Variants in RAB40B observed in about 807,000 individuals in gnomAD.
RAB40B encodes ras-related protein Rab-40B.
In RAB40B, 21 loss-of-function variants were observed where a neutral mutation model predicts 24.0. That is an observed-to-expected ratio of 0.88 (90% CI 0.62 to 1.26). The LOEUF (loss-of-function observed/expected upper bound fraction) is 1.26. RAB40B is among the 50% of genes most tolerant of loss of function. The pLI is 0.00. For synonymous variants in RAB40B, 167 were observed against 169.8 expected, an observed-to-expected ratio of 0.98 and a Z score of 0.13; for missense variants, 348 against 390.5, an observed-to-expected ratio of 0.89 and a Z score of 0.92.
chr17:82,675,661 T>C lies in RAB40B; in HGVS notation c.143-11105A>G, dbSNP rs1227772444. Among the ~76,000 whole-genome samples the C allele has an allele frequency of 6.6e-6, 1 of 152,148 alleles. No homozygotes were observed. The highest frequency in any genetic ancestry group is 1.5e-5 in the Non-Finnish European group (1 of 68,018). Reference sequence around the variant, plus strand: ...CTGACGAGGGCTGCATCCTGGTTCATGGAGGTGTCTTCTCCCCATGTCCTC... The same window carrying C: ...CTGACGAGGGCTGCATCCTGGTTCACGGAGGTGTCTTCTCCCCATGTCCTC... On this transcript the variant is annotated intron_variant, in intron 1 of 5. Coordinates refer to ENST00000571995, the MANE Select transcript of RAB40B (RefSeq NM_006822.3). The surrounding 1 kb of genome is among the most constrained non-coding windows in gnomAD (Gnocchi z 4.5).
At chr17:82,674,428 G>A (rs1187837006) in intron 1 of RAB40B, among the ~76,000 whole-genome samples, 7 of 148,390 alleles carry the variant, frequency 4.7e-5, no homozygotes, top group Non-Finnish European at 8.9e-5. Flanking sequence ...TCAGGAGTTC[G>A]AGACCATCCT....
intron 1 of RAB40B, among the ~76,000 whole-genome samples, chr17:82,678,879 GTTTTTTTTT>G (rs35848277): frequency 1.0e-5 from 1 of 99,164 alleles, no homozygotes; most frequent in Admixed American, 1.3e-4. Flanking sequence ...CCCTTTCTGC[GTTTTTTTTT>G]TTTTTTTTTT....
intron 1 of RAB40B, among the ~76,000 whole-genome samples, chr17:82,680,193 C>A (rs1179104819): frequency 6.6e-6 from 1 of 152,222 alleles, no homozygotes; most frequent in Non-Finnish European, 1.5e-5. Context: ...TGACCTCTGT[C>A]ACGGAGGTCT....
intron 1 of RAB40B, among the ~76,000 whole-genome samples, chr17:82,684,208 G>A (rs1221445508): frequency 8.4e-6 from 1 of 118,406 alleles, no homozygotes; most frequent in Non-Finnish European, 1.8e-5. Flanking sequence ...GTGAGAGAGT[G>A]AGACTCTGTC....
Position 82,657,629 on chromosome 17 carries a change from G to A in RAB40B, c.*234C>T. 1.5e-6 allele frequency: 1 copy of A among 668,130 alleles called. No homozygotes were observed. Among genetic ancestry groups the A allele is most frequent in the Non-Finnish European group, 2.8e-6 (1 of 362,330 alleles). The allele number at this position is 668,130 out of a possible 1,614,324, so 41.4% of individuals were successfully genotyped here. ...ATTTCATGTTACCAAGAGTCGAGCA[G>A]AGTACTAATTTTCCCTTTACAAACA... On this transcript the variant is annotated 3_prime_UTR_variant, in exon 6 of 6. Transcript: ENST00000571995.
intron 1 of RAB40B, among the ~76,000 whole-genome samples, chr17:82,678,879 G>GTTTTTTTTTTTTTTTT (rs35848277): frequency 4.0e-5 from 4 of 99,164 alleles, no homozygotes; most frequent in African/African-American, 1.6e-4. Flanking sequence ...CCCTTTCTGC[G>GTTTTTTTTTTTTTTTT]TTTTTTTTTT....
At chr17:82,690,413 G>A (rs2046544859) in intron 1 of RAB40B, among the ~76,000 whole-genome samples, 1 of 135,746 alleles carries the variant, frequency 7.4e-6, no homozygotes, top group Admixed American at 7.0e-5. Flanking sequence ...TGTGTTCTCA[G>A]GGAGCAGAGA....
intron 1 of RAB40B, among the ~76,000 whole-genome samples, chr17:82,683,300 GA>G (rs1568042238): frequency 6.6e-6 from 1 of 152,018 alleles, no homozygotes. Flanking sequence ...GTCTATAAAA[GA>G]AAAAAACTGA....
chr17:82,661,434 C>T (rs968891919), intron 2 of RAB40B, among the ~76,000 whole-genome samples: 31 of 152,198 alleles, frequency 2.0e-4, no homozygotes, highest in African/African-American at 6.3e-4. Context: ...TCCAGTTCAA[C>T]TGTAAGAGCT....
At chr17:82,681,507 A>G (rs1172705334) in intron 1 of RAB40B, among the ~76,000 whole-genome samples, 1 of 152,104 alleles carries the variant, frequency 6.6e-6, no homozygotes, top group African/African-American at 2.4e-5. Flanking sequence ...GAAACAAGCA[A>G]CCCTGCAGCA....
chr17:82,696,074 T>C (rs1240845283), intron 1 of RAB40B, among the ~76,000 whole-genome samples: 1 of 152,156 alleles, frequency 6.6e-6, no homozygotes, highest in Non-Finnish European at 1.5e-5. Flanking sequence ...TTCTCCATGT[T>C]GATCAGGCTG....
chr17:82,666,397 G>A (rs1452882948), intron 1 of RAB40B, among the ~76,000 whole-genome samples: 3 of 151,880 alleles, frequency 2.0e-5, no homozygotes, highest in African/African-American at 4.8e-5. Flanking sequence ...GGCATACACC[G>A]CCACGTCCAG....
chr17:82,667,119 G>C lies in RAB40B; in HGVS notation c.143-2563C>G, dbSNP rs962444452. Among the ~76,000 whole-genome samples the C allele has an allele frequency of 1.3e-5, 2 of 152,200 alleles. No homozygotes were observed. Among genetic ancestry groups the C allele is most frequent in the African/African-American group, 2.4e-5 (1 of 41,444 alleles). On this transcript the variant is annotated intron_variant, in intron 1 of 5. Transcript: ENST00000571995. This position sits in a 1 kb window ranked among gnomAD's most constrained non-coding sequence, Gnocchi z 4.3. The stretch of plus-strand genomic sequence containing the variant: ...GTAGCCAGTGAGTGCCCAGAAACAG[G>C]CTCCTCTAAAAATGCGAGGCTGCGG...
intron 1 of RAB40B, among the ~76,000 whole-genome samples, chr17:82,691,785 G>A (rs926306189): frequency 3.2e-4 from 49 of 152,216 alleles, no homozygotes; most frequent in African/African-American, 1.1e-3. Flanking sequence ...GGAAAGGCAG[G>A]GCCCTGCTGT....
intron 5 of RAB40B, 95 bp downstream of exon 5, chr17:82,658,396 C>T (rs1598291452): frequency 1.0e-5 from 14 of 1,389,098 alleles, no homozygotes; most frequent in African/African-American, 4.3e-5. Flanking sequence ...GGCCTTGAGA[C>T]GGGTCCCGGG....
At chr17:82,691,589 G>A (rs2046558498) in intron 1 of RAB40B, among the ~76,000 whole-genome samples, 1 of 152,140 alleles carries the variant, frequency 6.6e-6, no homozygotes, top group Non-Finnish European at 1.5e-5. Context: ...GGCTGAGGCA[G>A]GAGAATCACT....
intron 1 of RAB40B, among the ~76,000 whole-genome samples, chr17:82,673,747 G>A (rs1430120346): frequency 6.6e-6 from 1 of 152,176 alleles, no homozygotes; most frequent in Non-Finnish European, 1.5e-5. Context: ...GGGCCTTGCT[G>A]TAGGGATCTT....
In RAB40B at chr17:82,692,734, G is replaced by T. The variant is rs1451747856; in HGVS notation, c.142+5721C>A. Among the ~76,000 whole-genome samples, 1 of 152,128 alleles carries T rather than the reference G, an allele frequency of 6.6e-6. No individual in the cohort carries two copies. Among genetic ancestry groups the T allele is most frequent in the Non-Finnish European group, 1.5e-5 (1 of 68,016 alleles). On this transcript the variant is annotated intron_variant, in intron 1 of 5. Coordinates refer to ENST00000571995, the MANE Select transcript of RAB40B (RefSeq NM_006822.3). The surrounding 1 kb of genome is among the most constrained non-coding windows in gnomAD (Gnocchi z 4.0). ...TTTTTTAAATCTGGGAGCAGCAAAG[G>T]TTTGTTCAACAGGACCCAAAGTCCT...
intron 1 of RAB40B, among the ~76,000 whole-genome samples, chr17:82,666,068 G>GCACCTGCCACCA (rs1232177338): frequency 1.9e-5 from 2 of 106,010 alleles, no homozygotes; most frequent in Non-Finnish European, 4.5e-5. Context: ...ACCTGCCACC[G>GCACCTGCCACCA]CACCTGCCAC....
Sources: gnomAD v4.1 joint callset for allele counts (sites outside exome capture counted in the v4.1 genomes callset) on GRCh38, gnomAD v4.1.1 for gene constraint, Gnocchi (gnomAD v3.1) non-coding constraint, MANE v1.5 for transcripts, NCBI Gene and HGNC (gene_info 2026-07-23, HGNC 2026-07-21) for gene names.